Variants in PRR5L observed in about 807,000 individuals in gnomAD.
The protein encoded by PRR5L is proline-rich protein 5-like.
A neutral mutation model predicts 36.4 loss-of-function variants in PRR5L; 21 were observed. The ratio of observed to expected loss-of-function variants is 0.58; its 90% CI spans 0.41 to 0.83. The LOEUF is 0.83. Among genes scored for constraint, PRR5L ranks in the 40% least tolerant of loss-of-function variants. PRR5L has a pLI of 0.00. For missense variants in PRR5L, 381 were observed against 473.3 expected (o/e 0.80, Z 1.81); for synonymous variants, 188 against 197.0 (o/e 0.95, Z 0.38).
intron 1 of PRR5L, among the ~76,000 whole-genome samples, chr11:36,349,516 T>C (rs998339281): frequency 1.3e-5 from 2 of 152,086 alleles, no homozygotes; most frequent in African/African-American, 4.8e-5. Flanking sequence ...AGTATCCCGC[T>C]TCCTTCTGGT....
At chr11:36,425,895 A>G (rs1031077541) in intron 4 of PRR5L, 2 of 152,256 alleles carry the variant, frequency 1.3e-5, no homozygotes, top group Non-Finnish European at 2.9e-5. Flanking sequence ...TAAGACATTG[A>G]TATCACCAGA....
intron 5 of PRR5L, among the ~76,000 whole-genome samples, chr11:36,432,323 G>C (rs942859676): frequency 6.6e-6 from 1 of 152,186 alleles, no homozygotes; most frequent in African/African-American, 2.4e-5. Flanking sequence ...GGGAGTCATA[G>C]AAGAGAGGAG....
At chr11:36,389,832 C>T (rs1423449546) in intron 1 of PRR5L, among the ~76,000 whole-genome samples, 2 of 152,072 alleles carry the variant, frequency 1.3e-5, no homozygotes, top group Non-Finnish European at 2.9e-5. Context: ...AGGCTGGTCT[C>T]GAACTCCTGA....
chr11:36,336,529 CTTTTTTT>C (rs36024089), intron 1 of PRR5L, among the ~76,000 whole-genome samples: 1 of 104,266 alleles, frequency 9.6e-6, no homozygotes, highest in Middle Eastern at 5.3e-3. Flanking sequence ...CGCGCCTGGC[CTTTTTTT>C]TTTTTTTTTT....
intron 3 of PRR5L, among the ~76,000 whole-genome samples, chr11:36,409,380 G>T (rs1857978521): frequency 6.6e-6 from 1 of 152,164 alleles, no homozygotes; most frequent in South Asian, 2.1e-4. Flanking sequence ...CCCTGCTTCT[G>T]TTCTTGTTGG....
At chr11:36,346,777 A>C (rs2467080) in intron 1 of PRR5L, among the ~76,000 whole-genome samples, 4 of 151,874 alleles carry the variant, frequency 2.6e-5, no homozygotes. Context: ...CACAATGTTT[A>C]CTTAAATGAA....
intron 1 of PRR5L, among the ~76,000 whole-genome samples, chr11:36,351,165 A>T (rs1271054680): frequency 9.7e-6 from 1 of 103,378 alleles, no homozygotes; most frequent in Non-Finnish European, 1.7e-5. Flanking sequence ...TATATAATTT[A>T]TATATAATCA....
At position 36,431,838 on chromosome 11, in the gene PRR5L, GT is replaced by G. The variant is rs780737945; in HGVS notation, c.295-13del. The G allele has an allele frequency of 1.9e-6, 3 of 1,613,688 alleles. No individual in the cohort carries two copies. Among genetic ancestry groups the G allele is most frequent in the Non-Finnish European group, 2.5e-6 (3 of 1,179,592 alleles). ...AGTTGTCCAAATTCTTATGTTCTTT[GT>G]TCTCTTTTGGCAGAACCAGCTTCTT... On this transcript the variant is annotated splice_polypyrimidine_tract_variant and intron_variant, in intron 4 of 8. Coordinates refer to ENST00000530639, the MANE Select transcript of PRR5L (RefSeq NM_001160167.2).
chr11:36,299,694 G>A (rs1008716824), intron 1 of PRR5L, among the ~76,000 whole-genome samples: 14 of 152,150 alleles, frequency 9.2e-5, no homozygotes, highest in African/African-American at 2.7e-4. Flanking sequence ...AAAGGTTAAC[G>A]AATTCACCCA....
At chr11:36,443,994 C>T (rs537009294) in intron 6 of PRR5L, among the ~76,000 whole-genome samples, 32 of 152,278 alleles carry the variant, frequency 2.1e-4, no homozygotes, top group African/African-American at 7.5e-4. Context: ...TTTTTTACGA[C>T]TTTTTAAAGG....
intron 1 of PRR5L, among the ~76,000 whole-genome samples, chr11:36,391,051 G>A (rs1857553862): frequency 6.6e-6 from 1 of 152,114 alleles, no homozygotes; most frequent in Admixed American, 6.5e-5. Flanking sequence ...GTGTGTAAAA[G>A]AGGCCATCTC....
chr11:36,320,080 TC>T (rs1856598131), intron 1 of PRR5L, among the ~76,000 whole-genome samples: 4 of 152,246 alleles, frequency 2.6e-5, no homozygotes, highest in Admixed American at 2.0e-4. Flanking sequence ...CAAATGCAGT[TC>T]ATCAAAGGCA....
chr11:36,403,166 A>T, intron 2 of PRR5L, 132 bp from the exon 3 acceptor site: 1 of 638,968 alleles, frequency 1.6e-6, no homozygotes, highest in Non-Finnish European at 2.7e-6. Context: ...GAAATGGAGG[A>T]TGGATGGAGA....
intron 1 of PRR5L, among the ~76,000 whole-genome samples, chr11:36,334,125 T>C (rs1856746498): frequency 6.6e-6 from 1 of 152,132 alleles, no homozygotes; most frequent in Non-Finnish European, 1.5e-5. Flanking sequence ...GCAATTCTTC[T>C]CACATGCCAT....
intron 1 of PRR5L, among the ~76,000 whole-genome samples, chr11:36,400,448 A>C (rs1857766834): frequency 6.6e-6 from 1 of 152,146 alleles, no homozygotes; most frequent in African/African-American, 2.4e-5. Context: ...ATAAATAGCA[A>C]ACACTCAGTG....
chr11:36,421,014 A>C (rs934412186), intron 4 of PRR5L, among the ~76,000 whole-genome samples: 5 of 152,210 alleles, frequency 3.3e-5, no homozygotes, highest in African/African-American at 1.2e-4. Context: ...AGAGATAATT[A>C]GTCACAAATG....
intron 3 of PRR5L, among the ~76,000 whole-genome samples, chr11:36,409,764 T>C (rs1441845062): frequency 1.3e-5 from 2 of 151,994 alleles, no homozygotes; most frequent in African/African-American, 4.8e-5. Flanking sequence ...TGTCAACTCT[T>C]TTAAAACTCC....
chr11:36,451,201 T>C lies in PRR5L; in HGVS notation c.586-8T>C. ...GACCTTTGTGTATCTTGGCTGTTCA[T>C]TTTCCAGAGTGTTCACGAGCCCACA... On this transcript the variant is annotated splice_polypyrimidine_tract_variant and splice_region_variant and intron_variant, in intron 7 of 8. Transcript: ENST00000530639. The C allele has an allele frequency of 6.2e-7, 1 of 1,613,986 alleles. No individual in the cohort carries two copies. Among genetic ancestry groups the C allele is most frequent in the Non-Finnish European group, 8.5e-7 (1 of 1,179,906 alleles).
intron 1 of PRR5L, among the ~76,000 whole-genome samples, chr11:36,301,880 C>A (rs560750624): frequency 2.9e-4 from 44 of 151,826 alleles, no homozygotes; most frequent in Non-Finnish European, 6.0e-4. Flanking sequence ...GGGAGAATAC[C>A]CCCTCATCTT....
Sources: gnomAD v4.1 joint callset for allele counts (sites outside exome capture counted in the v4.1 genomes callset) on GRCh38, gnomAD v4.1.1 for gene constraint, MANE v1.5 for transcripts, NCBI Gene and HGNC (gene_info 2026-07-23, HGNC 2026-07-21) for gene names.